CARS1: variants seen among roughly 807,000 people sequenced by gnomAD.
CARS1 encodes cysteinyl-tRNA synthetase 1.
A neutral mutation model predicts 106.2 loss-of-function variants in CARS1; 48 were observed. The ratio of observed to expected loss-of-function variants is 0.45; its 90% CI spans 0.36 to 0.57. The LOEUF (loss-of-function observed/expected upper bound fraction) is 0.57, where lower values mean the gene tolerates loss of function less well. CARS1 is among the 20% of genes least tolerant of loss of function. CARS1 has a pLI of 0.00. For missense variants in CARS1, 968 were observed against 1,057.2 expected (o/e 0.92, Z 1.17); for synonymous variants, 409 against 403.4 (o/e 1.01, Z -0.17).
In CARS1 at chr11:3,046,876, G is replaced by T. The variant is rs7111857; in HGVS notation, c.274+877C>A. ...TGCAGGCATCCCAGGAGTATCTCCC[G>T]CAAATAACCACAGGCACGTTCCACA... On this transcript the variant is annotated intron_variant, in intron 2 of 22. Transcript: ENST00000380525. This position sits in a 1 kb window ranked among gnomAD's most constrained non-coding sequence, Gnocchi z 5.8. Among the ~76,000 whole-genome samples the T allele has an allele frequency of 9.7e-4, 147 of 152,064 alleles. No individual in the cohort carries two copies. The highest frequency in any genetic ancestry group is 3.5e-3 in the African/African-American group (144 of 41,480).
At position 3,002,158 on chromosome 11, in the gene CARS1, C is replaced by T; in HGVS notation, c.2278-105G>A. ...CTCCAGCCCTCAACTTGCTTCCAAG[C>T]CCTCAGATTCAGAGTGCTATGAAAG... On this transcript the variant is annotated intron_variant, in intron 21 of 22. Coordinates refer to ENST00000380525, the MANE Select transcript of CARS1 (RefSeq NM_001014437.3). The T allele has an allele frequency of 1.2e-5, 10 of 800,390 alleles. No homozygotes were observed. The South Asian group carries it at 1.5e-4, about 12-fold the overall frequency. The allele number at this position is 800,390 out of a possible 1,614,324, so 49.6% of individuals were successfully genotyped here.
chr11:3,011,562 C>T (rs1565026805), intron 18 of CARS1, among the ~76,000 whole-genome samples: 2 of 152,104 alleles, frequency 1.3e-5, no homozygotes, highest in Admixed American at 1.3e-4. Context: ...TGCAGTGAGC[C>T]GAGATCGCGC....
intron 13 of CARS1, 32 bp downstream of exon 13, chr11:3,018,588 T>A (rs376470354): frequency 1.2e-6 from 2 of 1,613,238 alleles, no homozygotes; most frequent in East Asian, 2.2e-5. Flanking sequence ...GAGAAGGTGG[T>A]TGGGGGGTCT....
At chr11:3,026,904 T>G in intron 9 of CARS1, 107 bp from the exon 10 acceptor site, 1 of 1,293,306 alleles carries the variant, frequency 7.7e-7, no homozygotes, top group South Asian at 1.4e-5. Context: ...GCGAAATCTG[T>G]GGCCTATCTA....
chr11:3,037,205 C>T lies in CARS1; in HGVS notation c.801+845G>A, dbSNP rs1853762001. On this transcript the variant is annotated intron_variant, in intron 7 of 22. Coordinates refer to ENST00000380525, the MANE Select transcript of CARS1 (RefSeq NM_001014437.3). This position sits in a 1 kb window ranked among gnomAD's most constrained non-coding sequence, Gnocchi z 5.9. ...TTGGGTGAAAGCACACTGACGACTA[C>T]ATACACGTGGCGTGTTTCCGTGAAG... Among the ~76,000 whole-genome samples, 1 of 152,202 alleles carries T rather than the reference C, an allele frequency of 6.6e-6. No individual in the cohort carries two copies. The highest frequency in any genetic ancestry group is 6.5e-5 in the Admixed American group (1 of 15,280).
Position 3,041,009 on chromosome 11 carries a change from G to T in CARS1, c.367-25C>A, listed in dbSNP as rs755083168. On this transcript the variant is annotated intron_variant, in intron 3 of 22. Coordinates refer to ENST00000380525, the MANE Select transcript of CARS1 (RefSeq NM_001014437.3). This position sits in a 1 kb window ranked among gnomAD's most constrained non-coding sequence, Gnocchi z 4.9. ...CCTTTGTTAGGAATGAAGGAATGAC[G>T]ATCACAAGAAATGCAAGAAACACTG... 1.2e-6 allele frequency: 2 copies of T among 1,613,838 alleles called. No homozygotes were observed. Among genetic ancestry groups the T allele is most frequent in the Admixed American group, 1.7e-5 (1 of 59,968 alleles).
chr11:3,043,446 G>A lies in CARS1; in HGVS notation c.275-1190C>T, dbSNP rs1160577121. On this transcript the variant is annotated intron_variant, in intron 2 of 22. Coordinates refer to ENST00000380525, the MANE Select transcript of CARS1 (RefSeq NM_001014437.3). This position sits in a 1 kb window ranked among gnomAD's most constrained non-coding sequence, Gnocchi z 4.0. The stretch of plus-strand genomic sequence containing the variant: ...CGTCGCCCACAGGTCCAGGTTCTGC[G>A]TTATGCTCTGCTGGGCACCTCTGAC... Among the ~76,000 whole-genome samples, 5 of 151,834 alleles carry A rather than the reference G, an allele frequency of 3.3e-5. No homozygotes were observed. Among genetic ancestry groups the A allele is most frequent in the South Asian group, 2.1e-4 (1 of 4,782 alleles).
Position 3,043,315 on chromosome 11 carries a change from C to CTGGCAAAGCTAGGTGTGGAGGACGG in CARS1, c.275-1084_275-1060dup, listed in dbSNP as rs1854716515. ...ATTATTCACCCTCTGAAACGTCAAT[C>CTGGCAAAGCTAGGTGTGGAGGACGG]TGGCAAAGCTAGGTGTGGAGGACGG... is the stretch of plus-strand genomic sequence containing the variant. On this transcript the variant is annotated intron_variant, in intron 2 of 22. Transcript: ENST00000380525. The surrounding 1 kb of genome is among the most constrained non-coding windows in gnomAD (Gnocchi z 4.0). 6.6e-6 allele frequency among the ~76,000 whole-genome samples: 1 copy of CTGGCAAAGCTAGGTGTGGAGGACGG among 152,112 alleles called. No individual in the cohort carries two copies. Among genetic ancestry groups the CTGGCAAAGCTAGGTGTGGAGGACGG allele is most frequent in the Non-Finnish European group, 1.5e-5 (1 of 68,012 alleles).
intron 18 of CARS1, chr11:3,007,181 T>G: frequency 1.7e-6 from 1 of 584,708 alleles, no homozygotes; most frequent in Admixed American, 3.0e-5. Context: ...CAGAGACTAG[T>G]GTCTCCCGTA....
chr11:3,001,986 G>A lies in CARS1; in HGVS notation c.2345C>T (p.Ser782Phe), dbSNP rs1263420030. ...EMFLSETDKY[S>F]KFDENGLPTH... ...CATGCTTACATTTTCATCAAACTTG[G>A]AGTATTTGTCGGTTTCTGACAAGAA... Residue 782 changes from serine to phenylalanine, a missense_variant, in exon 22 of 23, where the codon TCC (serine) becomes TTC (phenylalanine). Physicochemically the swap from Ser to Phe is radical, Grantham distance 155. Coordinates refer to ENST00000380525, the MANE Select transcript of CARS1 (RefSeq NM_001014437.3). 2.5e-6 allele frequency: 4 copies of A among 1,612,814 alleles called. No individual in the cohort carries two copies. Among genetic ancestry groups the A allele is most frequent in the Non-Finnish European group, 2.5e-6 (3 of 1,178,994 alleles).
At chr11:3,007,257 A>T (rs1282902814) in intron 18 of CARS1, 6 of 445,520 alleles carry the variant, frequency 1.3e-5, no homozygotes, top group Admixed American at 3.9e-5. Flanking sequence ...TGGCCGCCGG[A>T]AGCAGTTCTT....
In CARS1 at chr11:3,040,893, T is replaced by C; in HGVS notation, c.455+3A>G. 1 of 1,613,664 alleles carries C rather than the reference T, an allele frequency of 6.2e-7. No individual in the cohort carries two copies. The highest frequency in any genetic ancestry group is 8.5e-7 in the Non-Finnish European group (1 of 1,179,772). On this transcript the variant is annotated splice_donor_region_variant and intron_variant, in intron 4 of 22. Transcript: ENST00000380525. This position sits in a 1 kb window ranked among gnomAD's most constrained non-coding sequence, Gnocchi z 5.8. ...CTGCAGGGACACCCCGCGGTGGACC[T>C]ACCTGGCGTGCCCCATGTGAGATGC...
At chr11:3,011,033 C>A (rs184864194) in intron 18 of CARS1, among the ~76,000 whole-genome samples, 1 of 152,190 alleles carries the variant, frequency 6.6e-6, no homozygotes, top group Admixed American at 6.5e-5. Context: ...TCAGTGTGAC[C>A]CGGCCAGGGC....
rs1855364875 is a variant in CARS1, at chr11:3,048,744, G to A, written c.26-743C>T. Among the ~76,000 whole-genome samples the A allele has an allele frequency of 6.6e-6, 1 of 152,156 alleles. No homozygotes were observed. The highest frequency in any genetic ancestry group is 6.5e-5 in the Admixed American group (1 of 15,278). ...GCAGGTCAAGGCCACAGCCTCAGGA[G>A]GACTGGGCCCCCTCAAAGGACCAGC... On this transcript the variant is annotated intron_variant, in intron 1 of 22. Coordinates refer to ENST00000380525, the MANE Select transcript of CARS1 (RefSeq NM_001014437.3). The surrounding 1 kb of genome is among the most constrained non-coding windows in gnomAD (Gnocchi z 5.1).
rs1351530510 is a variant in CARS1 at position 3,039,424 on chromosome 11, C to T, written c.553-132G>A. 4.8e-6 allele frequency: 3 copies of T among 626,480 alleles called. No homozygotes were observed. The highest frequency in any genetic ancestry group is 8.6e-6 in the Non-Finnish European group (3 of 347,712). 38.8% of individuals were successfully genotyped at this position (626,480 alleles called of 1,614,324 possible). A position where few individuals can be genotyped will look rare whatever the true frequency, so the allele number is the denominator to read the frequency against. ...GTGGGAGACAACTGTGGGCCCCGGA[C>T]GTGCACACCATCATCAAATAGAAAC... On this transcript the variant is annotated intron_variant, in intron 5 of 22. Transcript: ENST00000380525. This position sits in a 1 kb window ranked among gnomAD's most constrained non-coding sequence, Gnocchi z 5.6.
intron 17 of CARS1, among the ~76,000 whole-genome samples, chr11:3,015,343 G>T (rs553672381): frequency 1.3e-5 from 2 of 152,256 alleles, no homozygotes. Flanking sequence ...CATGGGGACC[G>T]AGGCAGACAG....
Position 3,041,239 on chromosome 11 carries a change from G to A in CARS1, c.367-255C>T, listed in dbSNP as rs904749392. On this transcript the variant is annotated intron_variant, in intron 3 of 22. Transcript: ENST00000380525. The surrounding 1 kb of genome is among the most constrained non-coding windows in gnomAD (Gnocchi z 4.9). ...GTTCTACTCATCTATGGAGGGAGGC[G>A]ATAAAGGGAATCAATGATTTTATTG... The A allele has an allele frequency of 2.9e-5, 14 of 490,130 alleles. No homozygotes were observed. Among genetic ancestry groups the A allele is most frequent in the African/African-American group, 2.4e-4 (12 of 50,688 alleles). The allele number at this position is 490,130 out of a possible 1,614,324, so 30.4% of individuals were successfully genotyped here.
chr11:3,049,309 C>T (rs944537979), intron 1 of CARS1, among the ~76,000 whole-genome samples: 1 of 152,132 alleles, frequency 6.6e-6, no homozygotes, highest in African/African-American at 2.4e-5. Flanking sequence ...CCAAAAGTCA[C>T]CTCTGCTGAA....
At position 3,040,490 on chromosome 11, in the gene CARS1, C is replaced by T. The variant is rs572455913; in HGVS notation, c.455+406G>A. ...CGTCAGGAGCTACAGCCATGACCAT[C>T]CAGTGGTCGGGGGGCGGTCACAGCC... On this transcript the variant is annotated intron_variant, in intron 4 of 22. Transcript: ENST00000380525. This position sits in a 1 kb window ranked among gnomAD's most constrained non-coding sequence, Gnocchi z 5.8. 1.5e-4 allele frequency: 72 copies of T among 471,544 alleles called. No homozygotes were observed. Among genetic ancestry groups the T allele is most frequent in the South Asian group, 1.1e-3 (69 of 64,614 alleles). The allele number at this position is 471,544 out of a possible 1,614,324, so 29.2% of individuals were successfully genotyped here.
Sources: gnomAD v4.1 joint callset for allele counts (sites outside exome capture counted in the v4.1 genomes callset) on GRCh38, gnomAD v4.1.1 for gene constraint, Gnocchi (gnomAD v3.1) non-coding constraint, MANE v1.5 for transcripts, NCBI Gene and HGNC (gene_info 2026-07-23, HGNC 2026-07-21) for gene names.